The following NIPA1 variants were observed in gnomAD, a reference collection of about 807,000 sequenced individuals.
NIPA1 encodes NIPA magnesium transporter 1, also known as magnesium transporter NIPA1.
Under a neutral mutation model 23.9 loss-of-function variants are expected in NIPA1, and 13 were observed. The ratio of observed to expected loss-of-function variants is 0.54; its 90% CI spans 0.35 to 0.87. NIPA1 has a LOEUF of 0.87. Ranked by LOEUF, NIPA1 falls within the 40% of genes least tolerant of loss-of-function variation. The pLI, the probability that NIPA1 is intolerant of heterozygous loss-of-function variation, is 0.01. For synonymous variants in NIPA1, 234 were observed against 202.9 expected (o/e 1.15, Z -1.30); for missense variants, 362 against 429.7 (o/e 0.84, Z 1.39).
At chr15:22,820,975 C>CTT (rs1895525733) in intron 4 of NIPA1, among the ~76,000 whole-genome samples, 1 of 129,928 alleles carries the variant, frequency 7.7e-6, no homozygotes, top group African/African-American at 2.5e-5. Context: ...AATTTCTTTT[C>CTT]TTTTCTTTTT....
At chr15:22,822,177 A>G (rs1895552858) in intron 4 of NIPA1, among the ~76,000 whole-genome samples, 3 of 152,180 alleles carry the variant, frequency 2.0e-5, no homozygotes, top group African/African-American at 7.2e-5. Flanking sequence ...TCCTCCCTCA[A>G]TTTACATGGA....
chr15:22,810,827 T>C (rs750135268), intron 2 of NIPA1, 31 bp downstream of exon 2: 6 of 1,566,424 alleles, frequency 3.8e-6, no homozygotes, highest in Non-Finnish European at 4.4e-6. Flanking sequence ...AGTCTGGTCT[T>C]TTCCTTTCTT....
upstream of NIPA1, chr15:22,786,643 C>T (rs1894705740): frequency 1.0e-6 from 1 of 993,818 alleles, no homozygotes; most frequent in African/African-American, 1.8e-5. Context: ...GCTCGGAGGG[C>T]GGGCGCGGGC....
At chr15:22,797,492 G>A (rs12102183) in intron 1 of NIPA1, among the ~76,000 whole-genome samples, 26,733 of 148,270 alleles carry the variant, frequency 0.18, 6,068 homozygotes, top group East Asian at 0.58. Context: ...GATTACAGGC[G>A]TGAGTCACCG....
chr15:22,787,977 A>G (rs2140843043), intron 1 of NIPA1, among the ~76,000 whole-genome samples: 1 of 152,192 alleles, frequency 6.6e-6, no homozygotes, highest in Non-Finnish European at 1.5e-5. Context: ...ATTAAATAAA[A>G]CCAAGTATGA....
intron 3 of NIPA1, among the ~76,000 whole-genome samples, chr15:22,812,598 A>G (rs1895341821): frequency 6.6e-6 from 1 of 151,716 alleles, no homozygotes; most frequent in Middle Eastern, 3.2e-3. Context: ...GGTTGCAGTG[A>G]GTTGAGATGG....
At position 22,812,165 on chromosome 15, in the gene NIPA1, G is replaced by A; in HGVS notation, c.229G>A (p.Ala77Thr). ...IVWWAGTIAM[A>T]VGQIGNFLAY... ...TATCCTTGTGATTTTCTTGACAGTG[G>A]CTGTTGGCCAGATTGGAAACTTCCT... Residue 77 changes from alanine to threonine, a missense_variant and splice_region_variant, in exon 3 of 5, where the codon GCT becomes ACT. Physicochemically the swap from Ala to Thr is moderately conservative, Grantham distance 58 (BLOSUM62 0). This residue lies in a region of NIPA1 where 277 missense variants were observed against 372.0 expected (regional missense o/e 0.74). Transcript: ENST00000337435. 6.2e-7 allele frequency: 1 copy of A among 1,611,258 alleles called. No homozygotes were observed. The highest frequency in any genetic ancestry group is 8.5e-7 in the Non-Finnish European group (1 of 1,178,092).
In NIPA1 at chr15:22,788,237, G is replaced by A. The variant is rs566093250; in HGVS notation, c.178+1403G>A. On this transcript the variant is annotated intron_variant, in intron 1 of 4. Coordinates refer to ENST00000337435, the MANE Select transcript of NIPA1 (RefSeq NM_144599.5). ...CATCTTGCGGCCGGGCGCGGTGGCT[G>A]GTGCCTGTAGTCCCAGCACTTTGGG... Among the ~76,000 whole-genome samples the A allele has an allele frequency of 2.6e-5, 4 of 152,178 alleles. No individual in the cohort carries two copies. In the East Asian group the frequency reaches 7.7e-4, roughly 29 times the overall value.
At position 22,817,326 on chromosome 15, in the gene NIPA1, C is replaced by T. The variant is rs148135032; in HGVS notation, c.318-2987C>T. On this transcript the variant is annotated intron_variant, in intron 3 of 4. Coordinates refer to ENST00000337435, the MANE Select transcript of NIPA1 (RefSeq NM_144599.5). ...ATCAGCCTGACCAACGTGGTGAAAC[C>T]CCGTCTCTCATAAAAATACAAAATT... Among the ~76,000 whole-genome samples, 383 of 149,062 alleles carry T rather than the reference C, an allele frequency of 2.6e-3. 1 individual carries two copies. Among genetic ancestry groups the T allele is most frequent in the African/African-American group, 9.0e-3 (362 of 40,294 alleles).
At chr15:22,816,168 A>G (rs1006895003) in intron 3 of NIPA1, among the ~76,000 whole-genome samples, 2 of 148,382 alleles carry the variant, frequency 1.3e-5, no homozygotes, top group East Asian at 4.0e-4. Context: ...CTTTATTGGC[A>G]GAAGACCTGA....
chr15:22,797,061 A>AT (rs1199445947), intron 1 of NIPA1, among the ~76,000 whole-genome samples: 2 of 140,728 alleles, frequency 1.4e-5, no homozygotes, highest in Non-Finnish European at 3.0e-5. Flanking sequence ...TTTTTTTTAG[A>AT]TAAAGTCTCG....
At chr15:22,815,336 G>A (rs993722903) in intron 3 of NIPA1, among the ~76,000 whole-genome samples, 10 of 152,062 alleles carry the variant, frequency 6.6e-5, no homozygotes, top group Middle Eastern at 3.4e-3. Flanking sequence ...CTTTTATACC[G>A]TTATTTTTCT....
At chr15:22,801,529 T>TTG (rs1895080224) in intron 1 of NIPA1, among the ~76,000 whole-genome samples, 1 of 113,206 alleles carries the variant, frequency 8.8e-6, no homozygotes, top group Non-Finnish European at 1.8e-5. Flanking sequence ...TTTTTTTTTT[T>TTG]TTGAGAGACA....
intron 1 of NIPA1, among the ~76,000 whole-genome samples, chr15:22,794,943 A>G (rs1894911124): frequency 2.0e-5 from 3 of 151,778 alleles, no homozygotes; most frequent in African/African-American, 7.3e-5. Flanking sequence ...ATTCCCCCCC[A>G]TCCCAGCTCT....
intron 1 of NIPA1, among the ~76,000 whole-genome samples, chr15:22,795,337 C>T (rs1214431367): frequency 6.6e-6 from 1 of 152,086 alleles, no homozygotes; most frequent in South Asian, 2.1e-4. Context: ...CAGACTCATG[C>T]CATGTTGTGA....
At chr15:22,796,591 A>G (rs1894942555) in intron 1 of NIPA1, among the ~76,000 whole-genome samples, 1 of 152,086 alleles carries the variant, frequency 6.6e-6, no homozygotes, top group South Asian at 2.1e-4. Flanking sequence ...GGCGTGAGCC[A>G]CTACACCCAG....
chr15:22,816,509 T>TTTTC (rs1895423056), intron 3 of NIPA1, among the ~76,000 whole-genome samples: 1 of 133,046 alleles, frequency 7.5e-6, no homozygotes, highest in Admixed American at 7.8e-5. Context: ...TTTTTTTTTT[T>TTTTC]CAGATGGAGT....
chr15:22,806,079 A>G (rs1895204239), intron 1 of NIPA1, among the ~76,000 whole-genome samples: 1 of 151,978 alleles, frequency 6.6e-6, no homozygotes, highest in Non-Finnish European at 1.5e-5. Context: ...GCCCGCCACC[A>G]CGCCCAGCTA....
intron 4 of NIPA1, among the ~76,000 whole-genome samples, chr15:22,820,872 A>G (rs375737254): frequency 6.8e-6 from 1 of 147,770 alleles, no homozygotes; most frequent in Non-Finnish European, 1.5e-5. Flanking sequence ...TCAGCACTTC[A>G]CTCCCTCCAG....
Sources: gnomAD v4.1 joint callset for allele counts (sites outside exome capture counted in the v4.1 genomes callset) on GRCh38, gnomAD v4.1.1 for gene constraint, gnomAD v4.1.1 regional missense constraint, MANE v1.5 for transcripts, NCBI Gene and HGNC (gene_info 2026-07-23, HGNC 2026-07-21) for gene names.